The following UTY variants were observed in gnomAD, a reference collection of about 807,000 sequenced individuals.
UTY encodes the protein ubiquitously transcribed tetratricopeptide repeat containing, Y-linked, also known as histone demethylase UTY.
Under a neutral mutation model 32.5 loss-of-function variants are expected in UTY, and 12 were observed. That is an observed-to-expected ratio of 0.37 (90% CI 0.24 to 0.60). The LOEUF (loss-of-function observed/expected upper bound fraction) is 0.60. Ranked by LOEUF, UTY falls within the 20% of genes least tolerant of loss-of-function variation. The pLI is 0.69. For missense variants in UTY, 303 were observed against 299.2 expected (o/e 1.01, Z -0.09); for synonymous variants, 131 against 103.4 (o/e 1.27, Z -1.62).
intron 27 of UTY, among the ~76,000 whole-genome samples, chrY:13,262,439 A>C: frequency 1.2e-4 from 4 of 32,203 alleles, no homozygotes; most frequent in Non-Finnish European, 1.5e-4. Flanking sequence ...ACCATCTGTC[A>C]ATTTTTGTAC....
At position 13,251,076 on chromosome Y, in the gene UTY, C is replaced by A; in HGVS notation, c.4249G>T (p.Val1417Leu). The A allele has an allele frequency of 2.5e-6, 1 of 398,272 alleles. No homozygotes were observed. The highest frequency in any genetic ancestry group is 3.5e-6 in the Non-Finnish European group (1 of 283,301). The change falls in exon 29 of 30, where the codon GTG becomes TTG. Residue 1417 changes from valine (V) to leucine (L), a missense_variant. Transcript: ENST00000545955. ...RKTSKSLENF[V>L]VLEQYKMEDL... is the part of the protein sequence containing the mutation. ...TCCATTTTGTACTGTTCGAGCACCA[C>A]AAAATTTTCCAAACTTTTGCTTGTT... is the stretch of plus-strand genomic sequence containing the variant.
intron 28 of UTY, among the ~76,000 whole-genome samples, chrY:13,253,845 G>GT (rs2054412203): frequency 3.0e-5 from 1 of 33,048 alleles, no homozygotes; most frequent in Non-Finnish European, 7.4e-5. Flanking sequence ...TCAAATTAAT[G>GT]TAACTGCAGA....
intron 17 of UTY, among the ~76,000 whole-genome samples, chrY:13,348,202 A>AT (rs2062087491): frequency 2.9e-5 from 1 of 34,067 alleles, no homozygotes; most frequent in Non-Finnish European, 7.3e-5. Context: ...AGAAAAATTT[A>AT]TGAGAGAAGA....
intron 27 of UTY, among the ~76,000 whole-genome samples, chrY:13,261,466 T>C: frequency 3.0e-5 from 1 of 33,842 alleles, no homozygotes; most frequent in African/African-American, 1.1e-4. Context: ...TAAACTGTTG[T>C]GGGACTAAAT....
At chrY:13,269,710 G>T in intron 27 of UTY, among the ~76,000 whole-genome samples, 2 of 33,949 alleles carry the variant, frequency 5.9e-5, no homozygotes, top group Non-Finnish European at 1.5e-4. Context: ...GAATCCTCTG[G>T]GTCTGTGGGT....
At position 13,306,027 on chromosome Y, in the gene UTY, G is replaced by A; in HGVS notation, c.3416+11C>T. The A allele has an allele frequency of 2.5e-6, 1 of 395,033 alleles. No homozygotes were observed. The highest frequency in any genetic ancestry group is 3.6e-6 in the Non-Finnish European group (1 of 280,194). Reference sequence around the variant, plus strand: ...AGTTCATGGAAATAGCACTAGGGCAGGGAGACTTACTTTTTGTTATCAGAG... The same window carrying A: ...AGTTCATGGAAATAGCACTAGGGCAAGGAGACTTACTTTTTGTTATCAGAG... On this transcript the variant is annotated intron_variant, in intron 23 of 29. Transcript: ENST00000545955.
Position 13,249,706 on chromosome Y carries a change from G to A in UTY, c.*150C>T. ...CATGTTAAGTCCTGAAGCAGAGGCA[G>A]CACTGTGTCCAGTTGCTTGACATAC... is the stretch of plus-strand genomic sequence containing the variant. On this transcript the variant is annotated 3_prime_UTR_variant, in exon 30 of 30. Transcript: ENST00000545955. 1.1e-5 allele frequency: 1 copy of A among 88,215 alleles called. No homozygotes were observed. The highest frequency in any genetic ancestry group is 2.3e-5 in the Non-Finnish European group (1 of 44,006). The allele number at this position is 88,215 out of a possible 400,897, so 22.0% of individuals were successfully genotyped here.
chrY:13,350,505 T>G, intron 17 of UTY, among the ~76,000 whole-genome samples: 1 of 33,132 alleles, frequency 3.0e-5, no homozygotes, highest in African/African-American at 1.2e-4. Context: ...TTTCAAGAAA[T>G]TTATATCTGT....
chrY:13,463,440 C>T (rs2077606470), intron 3 of UTY, among the ~76,000 whole-genome samples: 1 of 33,385 alleles, frequency 3.0e-5, no homozygotes, highest in Admixed American at 2.7e-4. Flanking sequence ...GGAATCATCA[C>T]ACTGTCTTCC....
chrY:13,315,048 C>T (rs2059400705), intron 21 of UTY, among the ~76,000 whole-genome samples: 1 of 33,844 alleles, frequency 3.0e-5, no homozygotes, highest in South Asian at 6.6e-4. Flanking sequence ...AATTACCACA[C>T]AATCCAGCGG....
chrY:13,248,604 A>C lies in UTY; in HGVS notation c.*1252T>G. The C allele has an allele frequency of 2.6e-5, 1 of 38,141 alleles. No homozygotes were observed. The highest frequency in any genetic ancestry group is 2.7e-4 in the Admixed American group (1 of 3,767). The allele number at this position is 38,141 out of a possible 400,897, so 9.5% of individuals were successfully genotyped here. ...ATAAGTCACTTATTTGTTCTCTAAAAGAGGTTATCATTCTGAATCTCTTTT... is the reference window on the plus strand; with the variant it reads ...ATAAGTCACTTATTTGTTCTCTAAACGAGGTTATCATTCTGAATCTCTTTT... On this transcript the variant is annotated 3_prime_UTR_variant, in exon 30 of 30. Coordinates refer to ENST00000545955, the MANE Select transcript of UTY (RefSeq NM_001258249.2).
chrY:13,475,453 T>C (rs777837838), intron 2 of UTY, among the ~76,000 whole-genome samples: 1 of 34,221 alleles, frequency 2.9e-5, no homozygotes, highest in South Asian at 6.3e-4. Context: ...ATTAGCTCTC[T>C]AGACAGCTCA....
At chrY:13,254,665 T>C (rs2054537904) in intron 28 of UTY, among the ~76,000 whole-genome samples, 4 of 33,333 alleles carry the variant, frequency 1.2e-4, no homozygotes, top group African/African-American at 4.7e-4. Context: ...TAGGAGTCTG[T>C]GGACCCTTGC....
At chrY:13,261,986 A>G (rs2055307620) in intron 27 of UTY, among the ~76,000 whole-genome samples, 1 of 33,364 alleles carries the variant, frequency 3.0e-5, no homozygotes, top group African/African-American at 1.2e-4. Context: ...TGTGGCACCT[A>G]CTGATGTCTT....
chrY:13,329,196 AAG>A (rs2060483810), intron 18 of UTY, among the ~76,000 whole-genome samples: 8 of 33,693 alleles, frequency 2.4e-4, no homozygotes, highest in Non-Finnish European at 4.4e-4. Context: ...GTATGAGGAA[AAG>A]AGTTATATAA....
chrY:13,324,018 G>C, intron 20 of UTY, among the ~76,000 whole-genome samples: 1 of 32,568 alleles, frequency 3.1e-5, no homozygotes, highest in Admixed American at 2.9e-4. Flanking sequence ...CCTAAATATT[G>C]TATGTTGGAT....
At chrY:13,309,522 CGG>C (rs2058899744) in intron 21 of UTY, among the ~76,000 whole-genome samples, 6 of 32,350 alleles carry the variant, frequency 1.9e-4, no homozygotes, top group Non-Finnish European at 4.5e-4. Flanking sequence ...ACCCGGGAGG[CGG>C]AGCTTGTAGT....
intron 24 of UTY, among the ~76,000 whole-genome samples, chrY:13,303,478 G>C: frequency 3.0e-5 from 1 of 33,683 alleles, no homozygotes; most frequent in East Asian, 7.7e-4. Flanking sequence ...CAATATTTTA[G>C]AACACATTAA....
rs759681135 is a variant in UTY at position 13,431,566 on chromosome Y, T to C, written c.376-16773A>G. 2.6e-4 allele frequency among the ~76,000 whole-genome samples: 8 copies of C among 30,994 alleles called. No individual in the cohort carries two copies. In the East Asian group the frequency reaches 5.9e-3, roughly 23 times the overall value. The allele number at this position is 30,994 out of a possible 37,273, so 83.2% of individuals were successfully genotyped here. A position where few individuals can be genotyped will look rare whatever the true frequency, so the allele number is the denominator to read the frequency against. ...AACATGATCTTTTTCGTCATCATAATCTCCCCAAAAGAGGACTCATCTACT... is the reference window on the plus strand; with the variant it reads ...AACATGATCTTTTTCGTCATCATAACCTCCCCAAAAGAGGACTCATCTACT... On this transcript the variant is annotated intron_variant, in intron 4 of 29. Transcript: ENST00000545955.
Sources: gnomAD v4.1 joint callset for allele counts (sites outside exome capture counted in the v4.1 genomes callset) on GRCh38, gnomAD v4.1.1 for gene constraint, MANE v1.5 for transcripts, NCBI Gene and HGNC (gene_info 2026-07-23, HGNC 2026-07-21) for gene names.